Variants in CEP112 observed in about 807,000 individuals in gnomAD.
CEP112 encodes the protein centrosomal protein 112, also known as centrosomal protein of 112 kDa.
A neutral mutation model predicts 153.0 loss-of-function variants in CEP112; 127 were observed. The ratio of observed to expected loss-of-function variants is 0.83; its 90% CI spans 0.72 to 0.96. The LOEUF is 0.96. Among genes scored for constraint, CEP112 ranks in the 40% least tolerant of loss-of-function variants. The probability of loss-of-function intolerance (pLI) is 0.00; values close to 1 mark genes in which losing one functional copy is unlikely to be tolerated. For missense variants in CEP112, 1,089 were observed against 1,101.2 expected (o/e 0.99, Z 0.16); for synonymous variants, 358 against 374.4 (o/e 0.96, Z 0.51).
intron 17 of CEP112, among the ~76,000 whole-genome samples, chr17:65,988,489 T>C (rs1162685319): frequency 2.0e-5 from 3 of 152,172 alleles, no homozygotes; most frequent in Admixed American, 6.6e-5. Context: ...GAATTCAATA[T>C]AGCATTTTTA....
At chr17:66,105,662 C>T (rs966578834) in intron 6 of CEP112, among the ~76,000 whole-genome samples, 1 of 152,116 alleles carries the variant, frequency 6.6e-6, no homozygotes, top group Non-Finnish European at 1.5e-5. Flanking sequence ...GGCATTGTAG[C>T]GTGCACCTGT....
At chr17:65,966,140 T>G (rs1022423863) in intron 17 of CEP112, among the ~76,000 whole-genome samples, 10 of 152,142 alleles carry the variant, frequency 6.6e-5, no homozygotes, top group Non-Finnish European at 1.5e-4. Flanking sequence ...GAAAGAAAAT[T>G]TGCTTTTTAG....
intron 20 of CEP112, among the ~76,000 whole-genome samples, chr17:65,858,898 A>G (rs766053991): frequency 6.6e-6 from 1 of 152,242 alleles, no homozygotes; most frequent in Non-Finnish European, 1.5e-5. Flanking sequence ...ACAGTAAACT[A>G]TCTTCCACTC....
chr17:65,882,114 G>C (rs1458325877), intron 20 of CEP112, among the ~76,000 whole-genome samples: 1 of 152,188 alleles, frequency 6.6e-6, no homozygotes, highest in African/African-American at 2.4e-5. Flanking sequence ...TACTCGTTTT[G>C]ACTGAAACTA....
chr17:65,705,165 G>T (rs1230517605), intron 23 of CEP112, among the ~76,000 whole-genome samples: 4 of 152,092 alleles, frequency 2.6e-5, no homozygotes, highest in Non-Finnish European at 5.9e-5. Flanking sequence ...ATGGACCTAG[G>T]GATAATGCAA....
chr17:65,990,697 C>A (rs2063563686), intron 17 of CEP112, among the ~76,000 whole-genome samples: 1 of 152,210 alleles, frequency 6.6e-6, no homozygotes, highest in Admixed American at 6.5e-5. Flanking sequence ...ACTTGAAGGG[C>A]AGTCTAGGCC....
chr17:66,042,641 G>A (rs1179698824), intron 12 of CEP112, among the ~76,000 whole-genome samples: 1 of 151,958 alleles, frequency 6.6e-6, no homozygotes, highest in African/African-American at 2.4e-5. Context: ...ATGAGATCCT[G>A]GAAAAGAAAC....
At chr17:65,709,285 T>G (rs894537142) in intron 23 of CEP112, among the ~76,000 whole-genome samples, 2 of 152,350 alleles carry the variant, frequency 1.3e-5, no homozygotes, top group Middle Eastern at 3.4e-3. Flanking sequence ...TCTTAGATAT[T>G]TGTATCAGTC....
At chr17:65,832,622 G>C (rs1281966621) in intron 21 of CEP112, among the ~76,000 whole-genome samples, 2 of 151,980 alleles carry the variant, frequency 1.3e-5, no homozygotes, top group Non-Finnish European at 2.9e-5. Flanking sequence ...ATTAATTCCT[G>C]GACACATACA....
intron 9 of CEP112, among the ~76,000 whole-genome samples, chr17:66,069,087 A>AAT (rs201267370): frequency 5.6e-4 from 85 of 151,474 alleles, no homozygotes; most frequent in Non-Finnish European, 3.1e-4. Context: ...ACTAAATATT[A>AAT]ATATATATAT....
chr17:66,036,621 AATAT>A (rs1190769829), intron 12 of CEP112, among the ~76,000 whole-genome samples: 4 of 152,150 alleles, frequency 2.6e-5, no homozygotes, highest in Non-Finnish European at 5.9e-5. Flanking sequence ...CATCATTTTA[AATAT>A]GAAAAAACTA....
At chr17:65,738,442 TTAAAG>T (rs768158970) in intron 23 of CEP112, among the ~76,000 whole-genome samples, 8 of 152,146 alleles carry the variant, frequency 5.3e-5, no homozygotes, top group Non-Finnish European at 1.0e-4. Context: ...GTCTGTTGAA[TTAAAG>T]TAAAATTAAA....
At chr17:65,976,139 G>C (rs963853369) in intron 17 of CEP112, among the ~76,000 whole-genome samples, 7 of 152,256 alleles carry the variant, frequency 4.6e-5, no homozygotes, top group African/African-American at 1.7e-4. Flanking sequence ...TCTCTCCCCA[G>C]GGAGGGCCTA....
rs144355557 is a variant in CEP112 at position 66,105,562 on chromosome 17, G to T, written c.643-8930C>A. On this transcript the variant is annotated intron_variant, in intron 6 of 26. Transcript: ENST00000535342. Reference sequence around the variant, plus strand: ...TAATCCCAGCACTTTGGGAGGCCACGGTGGGCAGATTGCTTGAGCTCAGCA... The same window carrying T: ...TAATCCCAGCACTTTGGGAGGCCACTGTGGGCAGATTGCTTGAGCTCAGCA... Among the ~76,000 whole-genome samples the T allele has an allele frequency of 4.3e-4, 66 of 152,234 alleles. 1 individual carries two copies. The highest frequency in any genetic ancestry group is 8.5e-4 in the Admixed American group (13 of 15,286).
intron 6 of CEP112, among the ~76,000 whole-genome samples, chr17:66,129,286 ACC>A (rs576122626): frequency 4.7e-4 from 72 of 151,638 alleles, no homozygotes; most frequent in African/African-American, 1.4e-3. Context: ...TCCAATTCCC[ACC>A]TCTCTACCTC....
At chr17:66,022,997 C>T (rs901555471) in intron 16 of CEP112, among the ~76,000 whole-genome samples, 3 of 151,780 alleles carry the variant, frequency 2.0e-5, no homozygotes, top group Non-Finnish European at 4.4e-5. Flanking sequence ...TTGAATTAAT[C>T]CAGTTAAACA....
Position 65,639,836 on chromosome 17 carries a change from C to CTTTTT in CEP112, c.2799+1123_2799+1127dup, listed in dbSNP as rs554226605. On this transcript the variant is annotated intron_variant, in intron 25 of 26. Transcript: ENST00000535342. ...ATTTCTTTTTTTTCTCTCTTTCTTT[C>CTTTTT]TTTTTTTTTTTTTTTTTTGAGACGG... 3.8e-3 allele frequency among the ~76,000 whole-genome samples: 419 copies of CTTTTT among 110,904 alleles called. 3 individuals carry two copies. Among genetic ancestry groups the CTTTTT allele is most frequent in the East Asian group, 6.2e-3 (23 of 3,734 alleles). 72.8% of individuals were successfully genotyped at this position (110,904 alleles called of 152,430 possible). A position where few individuals can be genotyped will look rare whatever the true frequency, so the allele number is the denominator to read the frequency against.
chr17:65,940,146 A>T (rs2061464148), intron 18 of CEP112, among the ~76,000 whole-genome samples: 1 of 152,208 alleles, frequency 6.6e-6, no homozygotes, highest in African/African-American at 2.4e-5. Context: ...AATGCTCAAC[A>T]TCACTAATTA....
chr17:65,726,957 C>A (rs1465230667), intron 23 of CEP112, among the ~76,000 whole-genome samples: 2 of 152,150 alleles, frequency 1.3e-5, no homozygotes, highest in Admixed American at 1.3e-4. Flanking sequence ...TCAAACAATC[C>A]TGCAAAGATA....
Sources: allele counts gnomAD v4.1 joint callset (sites outside exome capture counted in the v4.1 genomes callset), GRCh38; gene constraint gnomAD v4.1.1; transcripts MANE v1.5; gene names NCBI Gene and HGNC (gene_info 2026-07-23, HGNC 2026-07-21).